Variants in SLC24A2 observed in about 807,000 individuals in gnomAD.
SLC24A2 encodes the protein sodium/potassium/calcium exchanger 2.
A neutral mutation model predicts 62.0 loss-of-function variants in SLC24A2; 36 were observed. That is an observed-to-expected ratio of 0.58 (90% CI 0.44 to 0.77). SLC24A2 has a LOEUF of 0.77. Among genes scored for constraint, SLC24A2 ranks in the 30% least tolerant of loss-of-function variants. The probability of loss-of-function intolerance (pLI) is 0.00; values close to 1 mark genes in which losing one functional copy is unlikely to be tolerated. For synonymous variants in SLC24A2, 358 were observed against 294.0 expected (o/e 1.22, Z -2.23); for missense variants, 846 against 817.9 (o/e 1.03, Z -0.42).
the SLC24A2 span, among the ~76,000 whole-genome samples, chr9:20,273,994 G>A: frequency 6.6e-6 from 1 of 152,172 alleles, no homozygotes; most frequent in African/African-American, 2.4e-5. Context: ...TGATGGATGA[G>A]AGAAAGATAT....
rs558079984 is a variant in SLC24A2, at chr9:19,561,369, A to C, written c.1348-11101T>G. On this transcript the variant is annotated intron_variant, in intron 7 of 10. Coordinates refer to ENST00000341998, the MANE Select transcript of SLC24A2 (RefSeq NM_020344.4). ...CTTATTGGAAGGCAATGCCATCTGA[A>C]ACATTTGTCTTGCCTTCTGTGTGAA... Among the ~76,000 whole-genome samples, 3 of 152,220 alleles carry C rather than the reference A, an allele frequency of 2.0e-5. No individual in the cohort carries two copies. In the East Asian group the frequency reaches 5.8e-4, roughly 29 times the overall value.
At chr9:19,970,185 T>C in the SLC24A2 span, among the ~76,000 whole-genome samples, 1 of 152,002 alleles carries the variant, frequency 6.6e-6, no homozygotes, top group African/African-American at 2.4e-5. Context: ...TATTGCAAGG[T>C]GAATGAGGAG....
chr9:19,770,143 A>G (rs541740363), intron 2 of SLC24A2, among the ~76,000 whole-genome samples: 74 of 151,840 alleles, frequency 4.9e-4, no homozygotes, highest in Non-Finnish European at 9.9e-4. Flanking sequence ...ATTTCTGTAT[A>G]TGACCAAAGT....
At chr9:19,629,113 C>T (rs963988719) in intron 2 of SLC24A2, among the ~76,000 whole-genome samples, 2 of 152,264 alleles carry the variant, frequency 1.3e-5, no homozygotes, top group East Asian at 1.9e-4. Flanking sequence ...CCTTTCAACA[C>T]ATGAGGACCC....
the SLC24A2 span, among the ~76,000 whole-genome samples, chr9:19,887,235 TCCCC>T: frequency 5.3e-5 from 8 of 152,286 alleles, no homozygotes; most frequent in Non-Finnish European, 4.4e-5. Flanking sequence ...TCATGTCCTT[TCCCC>T]ACTTTTTAAT....
At chr9:20,109,473 G>A in the SLC24A2 span, among the ~76,000 whole-genome samples, 4 of 152,160 alleles carry the variant, frequency 2.6e-5, no homozygotes, top group Non-Finnish European at 5.9e-5. Context: ...CCTTCTGCAA[G>A]TCTCAAGCTT....
the SLC24A2 span, among the ~76,000 whole-genome samples, chr9:20,053,068 A>C: frequency 2.0e-5 from 3 of 152,216 alleles, no homozygotes; most frequent in Non-Finnish European, 4.4e-5. Context: ...GAGATATGAC[A>C]AATCAGGGAA....
the SLC24A2 span, among the ~76,000 whole-genome samples, chr9:20,120,480 A>G: frequency 6.6e-6 from 1 of 152,186 alleles, no homozygotes; most frequent in East Asian, 1.9e-4. Flanking sequence ...ACTTGTTCTC[A>G]TAAGTGAGAG....
intron 4 of SLC24A2, among the ~76,000 whole-genome samples, chr9:19,617,175 G>A (rs76524522): frequency 0.01 from 1,596 of 152,242 alleles, 18 homozygotes; most frequent in Middle Eastern, 0.037. Context: ...CATTAAATTC[G>A]AATAAGGAGC....
At chr9:19,877,005 A>G in the SLC24A2 span, among the ~76,000 whole-genome samples, 5 of 152,036 alleles carry the variant, frequency 3.3e-5, no homozygotes, top group Admixed American at 6.6e-5. Flanking sequence ...TTCAGAATGG[A>G]AAACTTTGGA....
chr9:19,780,083 AAAAC>A (rs929084841), intron 2 of SLC24A2, among the ~76,000 whole-genome samples: 8 of 152,070 alleles, frequency 5.3e-5, no homozygotes, highest in African/African-American at 1.2e-4. Context: ...TCAAAAACCA[AAAAC>A]AAACAAACGG....
chr9:19,901,421 T>C, the SLC24A2 span, among the ~76,000 whole-genome samples: 18 of 152,300 alleles, frequency 1.2e-4, no homozygotes, highest in East Asian at 2.7e-3. Flanking sequence ...GTAAATATGG[T>C]TCTCCTGCAG....
chr9:20,237,217 C>T, the SLC24A2 span, among the ~76,000 whole-genome samples: 1 of 152,178 alleles, frequency 6.6e-6, no homozygotes, highest in East Asian at 1.9e-4. Context: ...GAGCATAAAG[C>T]ATACTTCTAT....
At chr9:19,556,639 C>T (rs1835098879) in intron 7 of SLC24A2, among the ~76,000 whole-genome samples, 2 of 152,132 alleles carry the variant, frequency 1.3e-5, no homozygotes, top group South Asian at 4.2e-4. Flanking sequence ...ACATCTCTCC[C>T]CCGGCTCACT....
At chr9:19,538,157 A>G (rs1329893638) in intron 8 of SLC24A2, among the ~76,000 whole-genome samples, 3 of 44,208 alleles carry the variant, frequency 6.8e-5, no homozygotes, top group Non-Finnish European at 1.2e-4. Flanking sequence ...AAACAGGGAC[A>G]ATTTGACTTC....
At chr9:20,004,063 A>G in the SLC24A2 span, among the ~76,000 whole-genome samples, 1 of 151,958 alleles carries the variant, frequency 6.6e-6, no homozygotes, top group Non-Finnish European at 1.5e-5. Flanking sequence ...CCTGAGAGAG[A>G]TTTTCTCAGC....
intron 2 of SLC24A2, among the ~76,000 whole-genome samples, chr9:19,785,626 A>T (rs910746691): frequency 2.6e-5 from 4 of 152,248 alleles, no homozygotes; most frequent in African/African-American, 2.4e-5. Flanking sequence ...TCACAAAATC[A>T]TTATGCCCAC....
chr9:20,186,896 C>T, the SLC24A2 span, among the ~76,000 whole-genome samples: 1 of 152,184 alleles, frequency 6.6e-6, no homozygotes, highest in African/African-American at 2.4e-5. Flanking sequence ...TCTACAACTT[C>T]ATTCTGACCT....
At chr9:19,781,040 A>G (rs948941008) in intron 2 of SLC24A2, among the ~76,000 whole-genome samples, 6 of 152,224 alleles carry the variant, frequency 3.9e-5, no homozygotes, top group Non-Finnish European at 8.8e-5. Context: ...TCCAAATGTT[A>G]CAGTAATCAT....
Sources: gnomAD v4.1 joint callset for allele counts (sites outside exome capture counted in the v4.1 genomes callset) on GRCh38, gnomAD v4.1.1 for gene constraint, MANE v1.5 for transcripts, NCBI Gene and HGNC (gene_info 2026-07-23, HGNC 2026-07-21) for gene names.